TTC21A: variants seen among roughly 807,000 people sequenced by gnomAD.
TTC21A encodes tetratricopeptide repeat protein 21A.
A neutral mutation model predicts 156.4 loss-of-function variants in TTC21A; 128 were observed. That is an observed-to-expected ratio of 0.82 (90% CI 0.71 to 0.95). The LOEUF is 0.95. Among genes scored for constraint, TTC21A ranks in the 40% least tolerant of loss-of-function variants. The probability of loss-of-function intolerance (pLI) is 0.00; values close to 1 mark genes in which losing one functional copy is unlikely to be tolerated. For synonymous variants in TTC21A, 587 were observed against 617.1 expected (o/e 0.95, Z 0.72); for missense variants, 1,435 against 1,602.3 (o/e 0.90, Z 1.78).
At position 39,109,194 on chromosome 3, in the gene TTC21A, C is replaced by T. The variant is rs759692077; in HGVS notation, c.137C>T (p.Ala46Val). 4 of 1,613,746 alleles carry T rather than the reference C, an allele frequency of 2.5e-6. No individual in the cohort carries two copies. Among genetic ancestry groups the T allele is most frequent in the Non-Finnish European group, 3.4e-6 (4 of 1,179,784 alleles). The change falls in exon 2 of 29, where the codon GCC becomes GTC. Residue 46 changes from alanine (A) to valine (V), a missense_variant. Ala to Val is a moderately conservative substitution (Grantham distance 64). Coordinates refer to ENST00000683103, the MANE Select transcript of TTC21A (RefSeq NM_001366900.1). ...SNDPVLKFFK[A>V]YGVLKEEHIQ... ...GACCCTGTGTTGAAGTTCTTTAAAG[C>T]CTATGGAGTCCTCAAAGAAGGTAAG...
chr3:39,138,700 C>G lies in TTC21A; in HGVS notation c.3865-11C>G. ...GCATGATACTGCACACCCATTCTCT[C>G]TCTGTTCCAGGTCCTCAGGGAGCAC... On this transcript the variant is annotated splice_polypyrimidine_tract_variant and intron_variant, in intron 28 of 28. Coordinates refer to ENST00000683103, the MANE Select transcript of TTC21A (RefSeq NM_001366900.1). 6.2e-7 allele frequency: 1 copy of G among 1,614,134 alleles called. No homozygotes were observed. Among genetic ancestry groups the G allele is most frequent in the Non-Finnish European group, 8.5e-7 (1 of 1,180,002 alleles).
chr3:39,137,052 T>G lies in TTC21A; in HGVS notation c.3249T>G (p.Ala1083=), dbSNP rs780429438. The G allele has an allele frequency of 1.9e-6, 3 of 1,610,186 alleles. No individual in the cohort carries two copies. In the Admixed American group the frequency reaches 5.0e-5, roughly 27 times the overall value. The change falls in exon 24 of 29, where the codon GCT becomes GCG. Residue 1083 remains alanine (A), a synonymous_variant. Transcript: ENST00000683103. ...GAGAGGCTTTTGAGAACCAGGGAGC[T>G]GAGAGCAAGTAAGGGCCCATGGAGG... ...VGGEAFENQG[A]ESNYMEKKEL...
At position 39,133,039 on chromosome 3, in the gene TTC21A, T is replaced by C. The variant is rs2038849482; in HGVS notation, c.2563-13T>C. On this transcript the variant is annotated splice_polypyrimidine_tract_variant and intron_variant, in intron 19 of 28. Transcript: ENST00000683103. The stretch of plus-strand genomic sequence containing the variant: ...CTCTGAGTTTCTGATCCTGGCTTGA[T>C]TGGTTTCTCGAGGCCTTGGACCTCC... 1.2e-6 allele frequency: 2 copies of C among 1,613,872 alleles called. No individual in the cohort carries two copies. The highest frequency in any genetic ancestry group is 2.2e-5 in the South Asian group (2 of 91,040).
Position 39,134,597 on chromosome 3 carries a change from T to C in TTC21A, c.2862+269T>C. On this transcript the variant is annotated intron_variant, in intron 21 of 28. Coordinates refer to ENST00000683103, the MANE Select transcript of TTC21A (RefSeq NM_001366900.1). This position sits in a 1 kb window ranked among gnomAD's most constrained non-coding sequence, Gnocchi z 4.6. ...TCACCCCAGGGGAAAGCACATTCAC[T>C]GTAGGTGAAGGCAAGGGCGGGACAG... 1 of 564,688 alleles carries C rather than the reference T, an allele frequency of 1.8e-6. No homozygotes were observed. The highest frequency in any genetic ancestry group is 1.9e-5 in the African/African-American group (1 of 53,554). The allele number at this position is 564,688 out of a possible 1,614,324, so 35.0% of individuals were successfully genotyped here. A position where few individuals can be genotyped will look rare whatever the true frequency, so the allele number is the denominator to read the frequency against.
At position 39,133,712 on chromosome 3, in the gene TTC21A, T is replaced by C. The variant is rs76093188; in HGVS notation, c.2751+472T>C. On this transcript the variant is annotated intron_variant, in intron 20 of 28. Coordinates refer to ENST00000683103, the MANE Select transcript of TTC21A (RefSeq NM_001366900.1). ...ATGAAGAGCTTAGTGACCGATACAT[T>C]CATTCATTTAATACTCAACTCATTT... 8.5e-3 allele frequency among the ~76,000 whole-genome samples: 1,290 copies of C among 152,308 alleles called. 18 individuals carry two copies. Among genetic ancestry groups the C allele is most frequent in the African/African-American group, 0.029 (1,218 of 41,548 alleles).
In TTC21A at chr3:39,137,245, A is replaced by C. The variant is rs1368732482; in HGVS notation, c.3308A>C (p.Lys1103Thr). 1.2e-6 allele frequency: 2 copies of C among 1,614,052 alleles called. No homozygotes were observed. Among genetic ancestry groups the C allele is most frequent in the Non-Finnish European group, 8.5e-7 (1 of 1,180,040 alleles). Residue 1103 changes from lysine (K) to threonine (T), a missense_variant, in exon 25 of 29, where the codon AAA (lysine) becomes ACA (threonine). Coordinates refer to ENST00000683103, the MANE Select transcript of TTC21A (RefSeq NM_001366900.1). ...CAGCAGGGTGTGAGCACCGCCGAGA[A>C]ACTGCTGCGTGAGTTTTACCCACAT... ...LEQQGVSTAE[K>T]LLREFYPHSD...
At chr3:39,109,787 A>T (rs1240450164) in intron 2 of TTC21A, among the ~76,000 whole-genome samples, 1 of 152,208 alleles carries the variant, frequency 6.6e-6, no homozygotes, top group Non-Finnish European at 1.5e-5. Context: ...CCTCACACAT[A>T]TCCCCACAAG....
rs1559714237 is a variant in TTC21A, at chr3:39,134,370, C to T, written c.2862+42C>T. 2.1e-6 allele frequency: 3 copies of T among 1,410,906 alleles called. No homozygotes were observed. The highest frequency in any genetic ancestry group is 1.7e-5 in the Admixed American group (1 of 59,750). 87.4% of individuals were successfully genotyped at this position (1,410,906 alleles called of 1,614,324 possible). A position where few individuals can be genotyped will look rare whatever the true frequency, so the allele number is the denominator to read the frequency against. Reference sequence around the variant, plus strand: ...ACCCACTCCCTCCCCTCCCTTCCTCCCTTCCCAGGGTCCCTGTGACCAGAT... The same window carrying T: ...ACCCACTCCCTCCCCTCCCTTCCTCTCTTCCCAGGGTCCCTGTGACCAGAT... On this transcript the variant is annotated intron_variant, in intron 21 of 28. Transcript: ENST00000683103. The surrounding 1 kb of genome is among the most constrained non-coding windows in gnomAD (Gnocchi z 4.6).
intron 15 of TTC21A, among the ~76,000 whole-genome samples, chr3:39,129,533 GC>G (rs1436707772): frequency 6.6e-6 from 1 of 152,236 alleles, no homozygotes; most frequent in African/African-American, 2.4e-5. Context: ...AGCCCTGCTT[GC>G]CTCCCCCTCA....
intron 4 of TTC21A, 130 bp from the exon 5 acceptor site, chr3:39,112,328 C>G: frequency 1.1e-6 from 1 of 893,556 alleles, no homozygotes; most frequent in Non-Finnish European, 1.7e-6. Flanking sequence ...AGCTGGCTGC[C>G]CTGGGATCTG....
At chr3:39,116,299 A>G (rs954321502) in intron 6 of TTC21A, among the ~76,000 whole-genome samples, 2 of 151,980 alleles carry the variant, frequency 1.3e-5, no homozygotes, top group Non-Finnish European at 2.9e-5. Context: ...CACCCCTAAT[A>G]TATTTTTTCT....
At chr3:39,125,189 T>C in intron 10 of TTC21A, 29 bp downstream of exon 10, 1 of 1,569,160 alleles carries the variant, frequency 6.4e-7, no homozygotes, top group Non-Finnish European at 8.8e-7. Context: ...TATGGGTTGC[T>C]CCAGGATGAT....
At position 39,137,635 on chromosome 3, in the gene TTC21A, G is replaced by A. The variant is rs1039854960; in HGVS notation, c.3600G>A (p.Leu1200=). The change falls in exon 26 of 29, where the codon CTG becomes CTA. Residue 1200 remains leucine (L), a synonymous_variant. Coordinates refer to ENST00000683103, the MANE Select transcript of TTC21A (RefSeq NM_001366900.1). ...ACCTGGAGAAGAGCTGGCTCCTGCT[G>A]GCTGACATTTACTGCCAGGGCAGCA... ...AEDLEKSWLL[L]ADIYCQGSKF... is the part of the protein sequence containing the mutation. The A allele has an allele frequency of 1.2e-6, 2 of 1,614,100 alleles. No individual in the cohort carries two copies. The highest frequency in any genetic ancestry group is 2.2e-5 in the East Asian group (1 of 44,900).
At chr3:39,136,216 A>AGG (rs2039102353) in intron 22 of TTC21A, 141 bp from the exon 23 acceptor site, 1 of 753,592 alleles carries the variant, frequency 1.3e-6, no homozygotes, top group African/African-American at 1.8e-5. Flanking sequence ...CCTGGAGACC[A>AGG]GTGGAGACTC....
intron 5 of TTC21A, 34 bp from the exon 6 acceptor site, chr3:39,114,551 C>T: frequency 6.2e-7 from 1 of 1,611,734 alleles, no homozygotes; most frequent in African/African-American, 1.3e-5. Flanking sequence ...TGGGCACTCC[C>T]TTCACGGAGG....
At chr3:39,114,475 G>C in intron 5 of TTC21A, 110 bp from the exon 6 acceptor site, 4 of 1,080,276 alleles carry the variant, frequency 3.7e-6, no homozygotes, top group Non-Finnish European at 5.6e-6. Flanking sequence ...CGGTGCCCAT[G>C]TGTCAGGTTC....
rs2038236831 is a variant in TTC21A at position 39,126,311 on chromosome 3, G to A, written c.1443G>A (p.Val481=). The A allele has an allele frequency of 1.2e-6, 2 of 1,614,004 alleles. No individual in the cohort carries two copies. Among genetic ancestry groups the A allele is most frequent in the Non-Finnish European group, 1.7e-6 (2 of 1,179,990 alleles). The change falls in exon 12 of 29, where the codon GTG becomes GTA. Residue 481 remains valine, a synonymous_variant. Transcript: ENST00000683103. ...IVSPLLKQVA[V]ILNPVVKAAP... ...CTCCACTTCTTAAACAAGTCGCCGTGATCTTGAATCCTGTAGTCAAAGCAG... is the reference window on the plus strand; with the variant it reads ...CTCCACTTCTTAAACAAGTCGCCGTAATCTTGAATCCTGTAGTCAAAGCAG...
chr3:39,119,827 C>T, intron 7 of TTC21A, 95 bp from the exon 8 acceptor site: 1 of 817,580 alleles, frequency 1.2e-6, no homozygotes, highest in South Asian at 1.6e-5. Flanking sequence ...TTTTAAATCT[C>T]CCAGCTGATG....
intron 26 of TTC21A, 143 bp downstream of exon 26, chr3:39,137,853 C>A: frequency 1.2e-6 from 1 of 855,786 alleles, no homozygotes; most frequent in Non-Finnish European, 1.8e-6. Flanking sequence ...GGCACATGGG[C>A]GACAGACCAG....
Sources: gnomAD v4.1 joint callset for allele counts (sites outside exome capture counted in the v4.1 genomes callset) on GRCh38, gnomAD v4.1.1 for gene constraint, Gnocchi (gnomAD v3.1) non-coding constraint, MANE v1.5 for transcripts, NCBI Gene and HGNC (gene_info 2026-07-23, HGNC 2026-07-21) for gene names.